RAI1: variants seen among roughly 807,000 people sequenced by gnomAD.
The protein encoded by RAI1 is retinoic acid-induced protein 1.
RAI1 carries 9 observed loss-of-function variants against 123.8 expected under a neutral mutation model. The observed-to-expected ratio is 0.07, with a 90% confidence interval of 0.04 to 0.13. The LOEUF is 0.13. Among genes scored for constraint, RAI1 ranks in the 10% least tolerant of loss-of-function variants. RAI1 has a pLI of 1.00. For synonymous variants in RAI1, 1,231 were observed against 1,127.3 expected, an observed-to-expected ratio of 1.09 and a Z score of -1.84; for missense variants, 2,256 against 2,545.8, an observed-to-expected ratio of 0.89 and a Z score of 2.45.
chr17:17,723,641 C>T (rs1252514765), intron 1 of RAI1, among the ~76,000 whole-genome samples: 1 of 150,090 alleles, frequency 6.7e-6, no homozygotes, highest in Non-Finnish European at 1.5e-5. Context: ...CCCCTCCTCC[C>T]GCTCCCTTCC....
rs371983878 is a variant in RAI1 at position 17,793,779 on chromosome 17, CCAGCAGCAGCAGCAGCAGCAG to C, written c.852_872del (p.Gln285_Gln291del). 4.2e-4 allele frequency: 569 copies of C among 1,357,644 alleles called. 3 individuals carry two copies. The Middle Eastern group carries it at 0.011, about 26-fold the overall frequency. The allele number at this position is 1,357,644 out of a possible 1,614,324, so 84.1% of individuals were successfully genotyped here. On this transcript the variant is annotated inframe_deletion, in exon 3 of 6. Coordinates refer to ENST00000353383, the MANE Select transcript of RAI1 (RefSeq NM_030665.4). Reference sequence around the variant, plus strand: ...ACCAGTCGGGCCGCCTCAGCTATGACCAGCAGCAGCAGCAGCAGCAGCAGCAGCAGCAGCAGCAGCAAGCCC... The same window carrying C: ...ACCAGTCGGGCCGCCTCAGCTATGACCAGCAGCAGCAGCAGCAGCAAGCCC...
At chr17:17,684,609 G>A (rs1009486044) in intron 1 of RAI1, 6 of 149,210 alleles carry the variant, frequency 4.0e-5, no homozygotes, top group African/African-American at 1.5e-4. Flanking sequence ...CACCCTCCCT[G>A]CAGGTAACCC....
chr17:17,705,990 C>T lies in RAI1; in HGVS notation c.-148-18038C>T, dbSNP rs374228018. 5.5e-5 allele frequency among the ~76,000 whole-genome samples: 8 copies of T among 145,130 alleles called. No homozygotes were observed. In the East Asian group the frequency reaches 6.1e-4, roughly 11 times the overall value. The stretch of plus-strand genomic sequence containing the variant: ...AGTGAGTTGAGATCGCACCACTGCA[C>T]TCCAGCCTGGCAACAGAGCGAGACT... On this transcript the variant is annotated intron_variant, in intron 1 of 5. Transcript: ENST00000353383.
At position 17,810,095 on chromosome 17, in the gene RAI1, C is replaced by G; in HGVS notation, c.*114C>G. ...CTTTGAGCTGCTCCCAGCGCTGGTC[C>G]AGAGCCGATCCTTGATCCGGGTCCC... On this transcript the variant is annotated 3_prime_UTR_variant, in exon 6 of 6. Coordinates refer to ENST00000353383, the MANE Select transcript of RAI1 (RefSeq NM_030665.4). The surrounding 1 kb of genome is among the most constrained non-coding windows in gnomAD (Gnocchi z 4.6). 1 of 1,365,140 alleles carries G rather than the reference C, an allele frequency of 7.3e-7. No individual in the cohort carries two copies. The highest frequency in any genetic ancestry group is 9.8e-7 in the Non-Finnish European group (1 of 1,019,324). 84.6% of individuals were successfully genotyped at this position (1,365,140 alleles called of 1,614,324 possible).
At chr17:17,752,415 G>T (rs1038676520) in intron 2 of RAI1, among the ~76,000 whole-genome samples, 3 of 152,006 alleles carry the variant, frequency 2.0e-5, no homozygotes, top group Non-Finnish European at 4.4e-5. Flanking sequence ...GTACTGGCGC[G>T]CGCTGCCTGT....
At chr17:17,798,808 C>A (rs1264169455) in intron 3 of RAI1, among the ~76,000 whole-genome samples, 1 of 152,168 alleles carries the variant, frequency 6.6e-6, no homozygotes, top group African/African-American at 2.4e-5. Flanking sequence ...CCAGCCCCAC[C>A]CAGAATCCAC....
At chr17:17,802,042 C>T (rs1339535468) in intron 3 of RAI1, 11 of 470,502 alleles carry the variant, frequency 2.3e-5, no homozygotes, top group Non-Finnish European at 4.4e-5. Flanking sequence ...GCCCCCAGCA[C>T]GGTGGCACTG....
intron 2 of RAI1, among the ~76,000 whole-genome samples, chr17:17,787,674 T>C (rs1483621496): frequency 6.6e-6 from 1 of 152,150 alleles, no homozygotes; most frequent in Admixed American, 6.5e-5. Context: ...CCCGGCCTCT[T>C]GATAGCTGTA....
At chr17:17,721,542 C>T (rs889175422) in intron 1 of RAI1, among the ~76,000 whole-genome samples, 2 of 152,124 alleles carry the variant, frequency 1.3e-5, no homozygotes, top group Non-Finnish European at 2.9e-5. Context: ...GGACTGAGGG[C>T]AGGAGTTGGT....
chr17:17,800,310 C>T lies in RAI1; in HGVS notation c.5565+1797C>T, dbSNP rs1180930774. ...AAATAATAACCCTCAGATCACCAGC[C>T]CCAGCTGGCTGCCACCTCCCCTGCT... On this transcript the variant is annotated intron_variant, in intron 3 of 5. Transcript: ENST00000353383. This position sits in a 1 kb window ranked among gnomAD's most constrained non-coding sequence, Gnocchi z 4.7. Among the ~76,000 whole-genome samples, 2 of 152,070 alleles carry T rather than the reference C, an allele frequency of 1.3e-5. No individual in the cohort carries two copies. Among genetic ancestry groups the T allele is most frequent in the Non-Finnish European group, 2.9e-5 (2 of 68,026 alleles).
intron 2 of RAI1, chr17:17,776,582 CTGGCCTCAAGTGATCATCCCACCT>C (rs1482622922): frequency 6.6e-6 from 1 of 151,254 alleles, no homozygotes; most frequent in Non-Finnish European, 1.5e-5. Flanking sequence ...GTTGGCCATC[CTGGCCTCAAGTGATCATCCCACCT>C]TGGCCTCCCA....
In RAI1 at chr17:17,797,594, C is replaced by A; in HGVS notation, c.4646C>A (p.Thr1549Asn). 6.2e-7 allele frequency: 1 copy of A among 1,614,066 alleles called. No homozygotes were observed. Residue 1549 changes from threonine (T) to asparagine (N), a missense_variant, in exon 3 of 6, where the codon ACC becomes AAC. Physicochemically the swap from Thr to Asn is moderately conservative, Grantham distance 65. Transcript: ENST00000353383. ...ACTCGGGGCCGGGCCAAGAACACCA[C>A]CTCTTCACCCTGTAAGGGGCGTGCC... ...RLTRGRAKNTTSSPCKGRAKR... is the reference protein window; with the variant it reads ...RLTRGRAKNTNSSPCKGRAKR...
At chr17:17,689,911 T>C (rs557442478) in intron 1 of RAI1, among the ~76,000 whole-genome samples, 16 of 152,252 alleles carry the variant, frequency 1.1e-4, no homozygotes, top group African/African-American at 3.1e-4. Flanking sequence ...TCAGTGACGG[T>C]TGGCATCCAG....
chr17:17,798,601 T>C, intron 3 of RAI1, 88 bp downstream of exon 3: 1 of 1,558,468 alleles, frequency 6.4e-7, no homozygotes, highest in South Asian at 1.2e-5. Flanking sequence ...TTTCTAGTGC[T>C]ACAGTGTGGG....
At chr17:17,804,302 G>C (rs530609438) in intron 4 of RAI1, among the ~76,000 whole-genome samples, 2 of 152,314 alleles carry the variant, frequency 1.3e-5, no homozygotes, top group South Asian at 4.1e-4. Flanking sequence ...AACAGACTGA[G>C]ACCCATGGAG....
intron 1 of RAI1, among the ~76,000 whole-genome samples, chr17:17,720,641 G>A (rs1409825520): frequency 6.6e-6 from 1 of 152,344 alleles, no homozygotes; most frequent in Non-Finnish European, 1.5e-5. Flanking sequence ...TGTGCTTGGT[G>A]GAGGTGAGCA....
intron 2 of RAI1, among the ~76,000 whole-genome samples, chr17:17,787,376 C>T: frequency 6.6e-6 from 1 of 152,244 alleles, no homozygotes; most frequent in East Asian, 1.9e-4. Flanking sequence ...ATCAGCACCC[C>T]CCACCCTTTT....
chr17:17,698,531 T>A (rs1915109903), intron 1 of RAI1, among the ~76,000 whole-genome samples: 1 of 152,216 alleles, frequency 6.6e-6, no homozygotes, highest in African/African-American at 2.4e-5. Flanking sequence ...ACTTTCCTAA[T>A]GAGGCTGCTG....
chr17:17,712,921 C>T (rs778665246), intron 1 of RAI1, among the ~76,000 whole-genome samples: 2 of 151,592 alleles, frequency 1.3e-5, no homozygotes, highest in South Asian at 4.2e-4. Flanking sequence ...TCCATTCATA[C>T]GAAATGCCCA....
Sources: allele counts gnomAD v4.1 joint callset (sites outside exome capture counted in the v4.1 genomes callset), GRCh38; gene constraint gnomAD v4.1.1; non-coding constraint Gnocchi (gnomAD v3.1); transcripts MANE v1.5; gene names NCBI Gene and HGNC (gene_info 2026-07-23, HGNC 2026-07-21).